CLCC1: variants seen among roughly 807,000 people sequenced by gnomAD.
CLCC1 encodes the protein chloride channel CLIC-like protein 1.
In CLCC1, 39 loss-of-function variants were observed where a neutral mutation model predicts 63.3. The observed-to-expected ratio is 0.62, with a 90% confidence interval of 0.48 to 0.81. The LOEUF is 0.81. CLCC1 is among the 30% of genes least tolerant of loss of function. CLCC1 has a pLI of 0.00. For synonymous variants in CLCC1, 217 were observed against 239.8 expected (o/e 0.90, Z 0.88); for missense variants, 549 against 669.4 (o/e 0.82, Z 1.98).
At chr1:108,958,930 T>C (rs1040649169) in intron 2 of CLCC1, among the ~76,000 whole-genome samples, 1 of 151,116 alleles carries the variant, frequency 6.6e-6, no homozygotes, top group Non-Finnish European at 1.5e-5. Flanking sequence ...TCCCAGCACT[T>C]TGGGAGGCCG....
At chr1:108,963,272 T>G (rs944629451) in intron 1 of CLCC1, 89 bp downstream of exon 1, 10 of 655,654 alleles carry the variant, frequency 1.5e-5, no homozygotes, top group African/African-American at 1.4e-4. Flanking sequence ...CCCCAGCGTC[T>G]GCGCCGCGAG....
chr1:108,938,621 T>C (rs1285779007), intron 10 of CLCC1, among the ~76,000 whole-genome samples: 1 of 152,148 alleles, frequency 6.6e-6, no homozygotes, highest in Non-Finnish European at 1.5e-5. Flanking sequence ...GAATAGACCA[T>C]GGAGGGATGA....
Position 108,963,432 on chromosome 1 carries a change from T to A in CLCC1, c.-244A>T, listed in dbSNP as rs1255914159. 4 of 702,438 alleles carry A rather than the reference T, an allele frequency of 5.7e-6. No individual in the cohort carries two copies. Among genetic ancestry groups the A allele is most frequent in the African/African-American group, 1.7e-5 (1 of 57,372 alleles). 43.5% of individuals were successfully genotyped at this position (702,438 alleles called of 1,614,324 possible). On this transcript the variant is annotated 5_prime_UTR_variant, in exon 1 of 13. It introduces an in-frame stop codon into an upstream open reading frame of the 5' UTR. Coordinates refer to ENST00000369969, the MANE Select transcript of CLCC1 (RefSeq NM_001377458.1). ...CGGCCGCAGAAGAGGTCGCACAGCT[T>A]GCCGCCGCCCAGGGTTTCAGCGTGC...
rs1421049747 is a variant in CLCC1 at position 108,943,970 on chromosome 1, C to T, written c.427G>A (p.Gly143Arg). The change falls in exon 6 of 13, where the codon GGA becomes AGA. Residue 143 changes from glycine (G) to arginine (R), a missense_variant. By Grantham distance (125) the Gly-to-Arg change is moderately radical. Transcript: ENST00000369969. ...TLLEIQKFLN[G>R]EDWKPGALDD... is the part of the protein sequence containing the mutation. ...AAGGCACCTGGTTTCCAGTCTTCTC[C>T]ATTGAGAAACTTCTGTATTTCTAAC... is the stretch of plus-strand genomic sequence containing the variant. 2 of 1,613,328 alleles carry T rather than the reference C, an allele frequency of 1.2e-6. No individual in the cohort carries two copies. Among genetic ancestry groups the T allele is most frequent in the African/African-American group, 1.3e-5 (1 of 74,890 alleles).
chr1:108,944,009 T>A lies in CLCC1; in HGVS notation c.388A>T (p.Lys130Ter). The change falls in exon 6 of 13, where the codon AAA becomes TAA. Residue 130 changes from lysine to a stop codon, truncating the protein, a stop_gained. Coordinates refer to ENST00000369969, the MANE Select transcript of CLCC1 (RefSeq NM_001377458.1). LOFTEE classifies it high-confidence loss of function. ...DMHYDAEIIL[K>*]RETLLEIQKF... ...TGTATTTCTAACAAAGTTTCTCTTT[T>A]AAGGATAATCTCAGCATCATAATGC... 2 of 1,613,344 alleles carry A rather than the reference T, an allele frequency of 1.2e-6. No individual in the cohort carries two copies. Among genetic ancestry groups the A allele is most frequent in the Non-Finnish European group, 1.7e-6 (2 of 1,179,828 alleles).
chr1:108,943,717 TG>T, intron 6 of CLCC1, 102 bp from the exon 7 acceptor site: 1 of 1,493,380 alleles, frequency 6.7e-7, no homozygotes, highest in East Asian at 2.3e-5. Flanking sequence ...TTTTGTGGCT[TG>T]TTCATCAATA....
chr1:108,949,683 A>G (rs982176613), intron 4 of CLCC1, 137 bp downstream of exon 4: 1 of 507,516 alleles, frequency 2.0e-6, no homozygotes, highest in African/African-American at 2.0e-5. Flanking sequence ...AGGTTAGAGT[A>G]TCCAAAGAAA....
chr1:108,941,345 T>C (rs1259383598), intron 8 of CLCC1, 60 bp downstream of exon 8: 2 of 1,406,966 alleles, frequency 1.4e-6, no homozygotes, highest in Non-Finnish European at 2.0e-6. Flanking sequence ...CTCTTTGTTC[T>C]ATGTTCTTTC....
chr1:108,947,539 C>T (rs1421285826), intron 5 of CLCC1, 72 bp downstream of exon 5: 5 of 895,738 alleles, frequency 5.6e-6, no homozygotes, highest in Non-Finnish European at 8.3e-6. Flanking sequence ...GCTTTCACTT[C>T]TTCATATTAT....
Position 108,929,821 on chromosome 1 carries a change from C to G in CLCC1, c.*2726G>C. On this transcript the variant is annotated 3_prime_UTR_variant, in exon 13 of 13. Coordinates refer to ENST00000369969, the MANE Select transcript of CLCC1 (RefSeq NM_001377458.1). Reference sequence around the variant, plus strand: ...GTCCCAGGGAAAGAGAATGGATGAACAGAGAGTTCTTTTACAAAGAGATCA... The same window carrying G: ...GTCCCAGGGAAAGAGAATGGATGAAGAGAGAGTTCTTTTACAAAGAGATCA... The G allele has an allele frequency of 1.2e-6, 2 of 1,614,026 alleles. No homozygotes were observed. Among genetic ancestry groups the G allele is most frequent in the South Asian group, 2.2e-5 (2 of 91,078 alleles).
Position 108,929,937 on chromosome 1 carries a change from T to A in CLCC1, c.*2610A>T. The stretch of plus-strand genomic sequence containing the variant: ...ATTCAGGGAAAAAATCGGCAGACCA[T>A]TAGTTACTATGGATTTATTTTTTTT... On this transcript the variant is annotated 3_prime_UTR_variant, in exon 13 of 13. Transcript: ENST00000369969. The A allele has an allele frequency of 6.2e-7, 1 of 1,612,804 alleles. No homozygotes were observed. The highest frequency in any genetic ancestry group is 8.5e-7 in the Non-Finnish European group (1 of 1,178,956).
chr1:108,957,105 A>C (rs1171770757), intron 2 of CLCC1, among the ~76,000 whole-genome samples: 1 of 151,516 alleles, frequency 6.6e-6, no homozygotes, highest in African/African-American at 2.5e-5. Flanking sequence ...TCAGAGATGA[A>C]GGTGACATGA....
At chr1:108,958,415 C>T (rs1656187383) in intron 2 of CLCC1, among the ~76,000 whole-genome samples, 1 of 151,588 alleles carries the variant, frequency 6.6e-6, no homozygotes, top group Non-Finnish European at 1.5e-5. Context: ...ACTCCAGTCA[C>T]TTAGTATCCA....
intron 10 of CLCC1, among the ~76,000 whole-genome samples, chr1:108,937,935 C>A (rs190694947): frequency 6.6e-6 from 1 of 152,128 alleles, no homozygotes; most frequent in Non-Finnish European, 1.5e-5. Flanking sequence ...CAGGGACCCC[C>A]GGGGGATACC....
Position 108,929,948 on chromosome 1 carries a change from G to A in CLCC1, c.*2599C>T. On this transcript the variant is annotated 3_prime_UTR_variant, in exon 13 of 13. Coordinates refer to ENST00000369969, the MANE Select transcript of CLCC1 (RefSeq NM_001377458.1). ...AAATCGGCAGACCATTAGTTACTAT[G>A]GATTTATTTTTTTTCCTTTCAAACA... is the stretch of plus-strand genomic sequence containing the variant. 6.2e-7 allele frequency: 1 copy of A among 1,610,828 alleles called. No individual in the cohort carries two copies. The highest frequency in any genetic ancestry group is 1.1e-5 in the South Asian group (1 of 90,804).
chr1:108,936,918 G>GAACT (rs1169475737), intron 11 of CLCC1, among the ~76,000 whole-genome samples, 159 bp downstream of exon 11: 1 of 152,192 alleles, frequency 6.6e-6, no homozygotes, highest in Non-Finnish European at 1.5e-5. Flanking sequence ...TGAGGAAGCT[G>GAACT]AACTAACTTT....
intron 7 of CLCC1, 56 bp downstream of exon 7, chr1:108,943,419 T>C: frequency 1.3e-6 from 2 of 1,562,650 alleles, no homozygotes; most frequent in Non-Finnish European, 1.8e-6. Flanking sequence ...GATTAGAGTC[T>C]TCTTTCATTG....
At chr1:108,948,478 G>A (rs1242493119) in intron 4 of CLCC1, among the ~76,000 whole-genome samples, 2 of 152,154 alleles carry the variant, frequency 1.3e-5, no homozygotes, top group Non-Finnish European at 2.9e-5. Flanking sequence ...TGGACCATGA[G>A]TTGAGCGCTG....
In CLCC1 at chr1:108,929,954, AT is replaced by A. The variant is rs768946326; in HGVS notation, c.*2592del. 19 of 1,608,706 alleles carry A rather than the reference AT, an allele frequency of 1.2e-5. No individual in the cohort carries two copies. Among genetic ancestry groups the A allele is most frequent in the East Asian group, 2.2e-5 (1 of 44,818 alleles). On this transcript the variant is annotated 3_prime_UTR_variant, in exon 13 of 13. Transcript: ENST00000369969. ...GCAGACCATTAGTTACTATGGATTT[AT>A]TTTTTTTCCTTTCAAACACGGTAAG...
Sources: allele counts gnomAD v4.1 joint callset (sites outside exome capture counted in the v4.1 genomes callset), GRCh38; gene constraint gnomAD v4.1.1; transcripts MANE v1.5; gene names NCBI Gene and HGNC (gene_info 2026-07-23, HGNC 2026-07-21).